The following VCPKMT variants were observed in gnomAD, a reference collection of about 807,000 sequenced individuals.
VCPKMT encodes the protein protein N-lysine methyltransferase METTL21D.
VCPKMT carries 32 observed loss-of-function variants against 28.6 expected under a neutral mutation model. The observed-to-expected ratio is 1.12, with a 90% confidence interval of 0.84 to 1.50. VCPKMT has a LOEUF of 1.50. Among genes scored for constraint, VCPKMT ranks in the 40% most tolerant of loss-of-function variants. The probability of loss-of-function intolerance (pLI) is 0.00; values close to 1 mark genes in which losing one functional copy is unlikely to be tolerated. For synonymous variants in VCPKMT, 138 were observed against 111.4 expected (o/e 1.24, Z -1.50); for missense variants, 366 against 285.0 (o/e 1.28, Z -2.05).
chr14:50,115,145 GTTTTTTTTTTTT>G (rs745531021), intron 3 of VCPKMT, among the ~76,000 whole-genome samples: 1 of 90,374 alleles, frequency 1.1e-5, no homozygotes, highest in Non-Finnish European at 2.2e-5. Context: ...ACAAACTGAT[GTTTTTTTTTTTT>G]TTTTTTTTTT....
chr14:50,109,460 C>G lies in VCPKMT; in HGVS notation c.*239G>C. 8.2e-7 allele frequency: 1 copy of G among 1,224,630 alleles called. No homozygotes were observed. Among genetic ancestry groups the G allele is most frequent in the Non-Finnish European group, 1.0e-6 (1 of 982,540 alleles). The allele number at this position is 1,224,630 out of a possible 1,614,324, so 75.9% of individuals were successfully genotyped here. On this transcript the variant is annotated 3_prime_UTR_variant, in exon 6 of 6. Coordinates refer to ENST00000395860, the MANE Select transcript of VCPKMT (RefSeq NM_024558.3). ...ACTGATTCCCAACATTTAAGAAGAACTTGATGCTGAACTAAGTAACCTAAG... is the reference window on the plus strand; with the variant it reads ...ACTGATTCCCAACATTTAAGAAGAAGTTGATGCTGAACTAAGTAACCTAAG...
At position 50,108,919 on chromosome 14, in the gene VCPKMT, A is replaced by G; in HGVS notation, c.*780T>C. 3.0e-6 allele frequency: 3 copies of G among 985,474 alleles called. No individual in the cohort carries two copies. Among genetic ancestry groups the G allele is most frequent in the Middle Eastern group, 1.0e-3 (2 of 1,914 alleles). The allele number at this position is 985,474 out of a possible 1,614,324, so 61.0% of individuals were successfully genotyped here. The stretch of plus-strand genomic sequence containing the variant: ...TTTTTAAGCCAGATTTTCCTGGAAC[A>G]TATACATAAAGTGCATGAGCCACGT... On this transcript the variant is annotated 3_prime_UTR_variant, in exon 6 of 6. Coordinates refer to ENST00000395860, the MANE Select transcript of VCPKMT (RefSeq NM_024558.3).
In VCPKMT at chr14:50,114,280, C is replaced by A. The variant is rs368875144; in HGVS notation, c.570+5G>T. The A allele has an allele frequency of 6.3e-7, 1 of 1,581,680 alleles. No homozygotes were observed. The highest frequency in any genetic ancestry group is 1.2e-5 in the South Asian group (1 of 83,300). On this transcript the variant is annotated splice_donor_5th_base_variant and intron_variant, in intron 4 of 5. Transcript: ENST00000395860. ...TACAAAGATAATAGAGTACTTAATA[C>A]TTACCTCAAAATATTTTTTCTCAAT... is the stretch of plus-strand genomic sequence containing the variant.
Position 50,108,966 on chromosome 14 carries a change from G to C in VCPKMT, c.*733C>G, listed in dbSNP as rs1050451771. On this transcript the variant is annotated 3_prime_UTR_variant, in exon 6 of 6. Transcript: ENST00000395860. ...ACGTAAGTGCATAAGCCTGAAACTG[G>C]TCTTTCTATTCTCACTCCATGCTCA... 2.0e-6 allele frequency: 2 copies of C among 985,398 alleles called. No individual in the cohort carries two copies. The highest frequency in any genetic ancestry group is 3.5e-5 in the African/African-American group (2 of 57,342). 61.0% of individuals were successfully genotyped at this position (985,398 alleles called of 1,614,324 possible).
In VCPKMT at chr14:50,115,145, G is replaced by GTTTT. The variant is rs745531021; in HGVS notation, c.450+690_450+693dup. 7.4e-4 allele frequency among the ~76,000 whole-genome samples: 67 copies of GTTTT among 90,336 alleles called. 1 individual carries two copies. Among genetic ancestry groups the GTTTT allele is most frequent in the African/African-American group, 2.5e-3 (51 of 20,754 alleles). The allele number at this position is 90,336 out of a possible 152,430, so 59.3% of individuals were successfully genotyped here. A position where few individuals can be genotyped will look rare whatever the true frequency, so the allele number is the denominator to read the frequency against. ...TGCCCACAACACTATACAAACTGAT[G>GTTTT]TTTTTTTTTTTTTTTTTTTTTTTTG... On this transcript the variant is annotated intron_variant, in intron 3 of 5. Coordinates refer to ENST00000395860, the MANE Select transcript of VCPKMT (RefSeq NM_024558.3).
chr14:50,116,532 G>A lies in VCPKMT; in HGVS notation c.21C>T (p.Ser7=). 2 of 1,612,022 alleles carry A rather than the reference G, an allele frequency of 1.2e-6. No homozygotes were observed. Among genetic ancestry groups the A allele is most frequent in the Non-Finnish European group, 1.7e-6 (2 of 1,179,066 alleles). The change falls in exon 1 of 6, where the codon TCC becomes TCT. Residue 7 remains serine, a synonymous_variant. Transcript: ENST00000395860. ...AGCTCCGCAGTGGGTCCTCCAGCGA[G>A]GACTCCAGCGTATCCGCCATTGCGC... MADTLE[S]SLEDPLRSFV...
chr14:50,105,449 G>A (rs902911599), downstream of VCPKMT, among the ~76,000 whole-genome samples: 39 of 152,212 alleles, frequency 2.6e-4, 1 homozygote, highest in African/African-American at 9.4e-4. Flanking sequence ...TGACCAACAT[G>A]GTGAAACCCC....
rs186605020 is a variant in VCPKMT, at chr14:50,113,078, G to A, written c.571-359C>T. Among the ~76,000 whole-genome samples the A allele has an allele frequency of 4.7e-4, 72 of 152,256 alleles. 2 individuals are homozygous for A. The highest frequency in any genetic ancestry group is 1.7e-3 in the African/African-American group (71 of 41,554). On this transcript the variant is annotated intron_variant, in intron 4 of 5. Transcript: ENST00000395860. ...TGGGATTACAGGCGTGAGCCACCGC[G>A]CCTGGTCAGTGGTTACCTTTTGAGT...
chr14:50,111,356 CGCT>C (rs1219563263), intron 5 of VCPKMT: 9 of 985,242 alleles, frequency 9.1e-6, no homozygotes, highest in Non-Finnish European at 9.6e-6. Flanking sequence ...TGAATAATCC[CGCT>C]GCTGCCTTTT....
chr14:50,107,635 G>C (rs569637693), downstream of VCPKMT, among the ~76,000 whole-genome samples: 1 of 152,134 alleles, frequency 6.6e-6, no homozygotes, highest in Non-Finnish European at 1.5e-5. Flanking sequence ...TCTACAGTCA[G>C]TACTTAGGTG....
In VCPKMT at chr14:50,114,381, A is replaced by AGT; in HGVS notation, c.472_473dup (p.Lys160Ter). 1 of 1,564,042 alleles carries AGT rather than the reference A, an allele frequency of 6.4e-7. No individual in the cohort carries two copies. Among genetic ancestry groups the AGT allele is most frequent in the Non-Finnish European group, 8.6e-7 (1 of 1,159,000 alleles). On this transcript the variant is annotated frameshift_variant, in exon 4 of 6. Transcript: ENST00000395860. LOFTEE classifies it high-confidence loss of function. ...TTTCAAATCCGCTGATATCTTTTAGAGTTTTCAGCAATGGCTCCAAAGACT... is the reference window on the plus strand; with the variant it reads ...TTTCAAATCCGCTGATATCTTTTAGAGTGTTTTCAGCAATGGCTCCAAAGACT...
intron 3 of VCPKMT, among the ~76,000 whole-genome samples, chr14:50,115,541 A>G (rs935795980): frequency 1.3e-5 from 2 of 151,162 alleles, no homozygotes; most frequent in African/African-American, 4.9e-5. Context: ...CAACCAAGGG[A>G]AAAAGAGAGG....
At chr14:50,110,029 G>A (rs1474596261) in intron 5 of VCPKMT, among the ~76,000 whole-genome samples, 2 of 152,146 alleles carry the variant, frequency 1.3e-5, no homozygotes, top group African/African-American at 2.4e-5. Flanking sequence ...CAGAGCACTT[G>A]AGGCCAGGAG....
In VCPKMT at chr14:50,114,338, AACAACATATAAT is replaced by A. The variant is rs1211501397; in HGVS notation, c.505_516del (p.Ile169_Cys172del). 6.3e-7 allele frequency: 1 copy of A among 1,594,888 alleles called. No individual in the cohort carries two copies. Among genetic ancestry groups the A allele is most frequent in the Non-Finnish European group, 8.5e-7 (1 of 1,173,354 alleles). On this transcript the variant is annotated inframe_deletion, in exon 4 of 6. Coordinates refer to ENST00000395860, the MANE Select transcript of VCPKMT (RefSeq NM_024558.3). ...TTTTTCCCCATTGTTCGTTGTTCATAACAACATATAATACAAGTTTCAAATCCGCTGATATCT... is the reference window on the plus strand; with the variant it reads ...TTTTTCCCCATTGTTCGTTGTTCATAACAAGTTTCAAATCCGCTGATATCT...
Position 50,114,370 on chromosome 14 carries a change from A to AT in VCPKMT, c.484dup (p.Ile162AsnfsTer5). On this transcript the variant is annotated frameshift_variant, in exon 4 of 6. Transcript: ENST00000395860. LOFTEE classifies it high-confidence loss of function. The stretch of plus-strand genomic sequence containing the variant: ...TATAATACAAGTTTCAAATCCGCTG[A>AT]TATCTTTTAGAGTTTTCAGCAATGG... 4 of 1,582,686 alleles carry AT rather than the reference A, an allele frequency of 2.5e-6. No homozygotes were observed. The highest frequency in any genetic ancestry group is 3.4e-6 in the Non-Finnish European group (4 of 1,167,392).
In VCPKMT at chr14:50,114,339, A is replaced by G; in HGVS notation, c.516T>C (p.Cys172=). The change falls in exon 4 of 6, where the codon TGT becomes TGC. Residue 172 remains cysteine (C), a synonymous_variant. Transcript: ENST00000395860. The stretch of plus-strand genomic sequence containing the variant: ...TTTTCCCCATTGTTCGTTGTTCATA[A>G]CAACATATAATACAAGTTTCAAATC... ...ISGFETCIIC[C]YEQRTMGKNP... 1 of 1,595,192 alleles carries G rather than the reference A, an allele frequency of 6.3e-7. No individual in the cohort carries two copies. Among genetic ancestry groups the G allele is most frequent in the South Asian group, 1.2e-5 (1 of 85,778 alleles).
In VCPKMT at chr14:50,112,685, G is replaced by A. The variant is rs1281179524; in HGVS notation, c.605C>T (p.Pro202Leu). 6.3e-7 allele frequency: 1 copy of A among 1,575,138 alleles called. No homozygotes were observed. Among genetic ancestry groups the A allele is most frequent in the Non-Finnish European group, 8.6e-7 (1 of 1,157,388 alleles). Residue 202 changes from proline (P) to leucine (L), a missense_variant, in exon 5 of 6, where the codon CCT becomes CTT. Coordinates refer to ENST00000395860, the MANE Select transcript of VCPKMT (RefSeq NM_024558.3). ...ATACTCTTCATCATGTTTTTCCAAA[G>A]GAATTTTTTCAAAGTCAAAATCTAG... Reference protein sequence around the residue: ...LQLDFDFEKIPLEKHDEEYRS... With the variant: ...LQLDFDFEKILLEKHDEEYRS...
chr14:50,114,749 C>G (rs1051103782), intron 3 of VCPKMT, among the ~76,000 whole-genome samples: 9 of 152,156 alleles, frequency 5.9e-5, no homozygotes, highest in Admixed American at 1.3e-4. Context: ...ATTGAGGAGG[C>G]TGAATGGGAG....
chr14:50,115,770 G>T (rs1374832071), intron 3 of VCPKMT, 69 bp downstream of exon 3: 4 of 1,504,874 alleles, frequency 2.7e-6, no homozygotes, highest in Non-Finnish European at 3.6e-6. Context: ...GTGAAGAAAC[G>T]TGTGCTTTAG....
Sources: gnomAD v4.1 joint callset for allele counts (sites outside exome capture counted in the v4.1 genomes callset) on GRCh38, gnomAD v4.1.1 for gene constraint, MANE v1.5 for transcripts, NCBI Gene and HGNC (gene_info 2026-07-23, HGNC 2026-07-21) for gene names.